The following SLCO6A1 variants were observed in gnomAD, a reference collection of about 807,000 sequenced individuals.
SLCO6A1 encodes solute carrier organic anion transporter family member 6A1, also known as cancer/testis antigen 48.
SLCO6A1 carries 65 observed loss-of-function variants against 72.7 expected under a neutral mutation model. The ratio of observed to expected loss-of-function variants is 0.89; its 90% CI spans 0.73 to 1.10. The LOEUF is 1.10. SLCO6A1 is among the 50% of genes least tolerant of loss of function. The pLI, the probability that SLCO6A1 is intolerant of heterozygous loss-of-function variation, is 0.00. For missense variants in SLCO6A1, 874 were observed against 872.6 expected, an observed-to-expected ratio of 1.00 and a Z score of -0.02; for synonymous variants, 314 against 298.2, an observed-to-expected ratio of 1.05 and a Z score of -0.55.
Position 102,419,775 on chromosome 5 carries a change from A to T in SLCO6A1, c.1472+51T>A, listed in dbSNP as rs754135697. ...TAGATAATTATTAATTGCCTGAGGA[A>T]TATGCTGTAGGATTTTGATGTAAAA... is the stretch of plus-strand genomic sequence containing the variant. On this transcript the variant is annotated intron_variant, in intron 8 of 13. Coordinates refer to ENST00000506729, the MANE Select transcript of SLCO6A1 (RefSeq NM_173488.5). The T allele has an allele frequency of 8.7e-5, 121 of 1,394,230 alleles. 1 individual carries two copies. The East Asian group carries it at 3.0e-3, about 34-fold the overall frequency. The allele number at this position is 1,394,230 out of a possible 1,614,324, so 86.4% of individuals were successfully genotyped here. A position where few individuals can be genotyped will look rare whatever the true frequency, so the allele number is the denominator to read the frequency against.
intron 1 of SLCO6A1, among the ~76,000 whole-genome samples, chr5:102,486,044 T>A (rs959554555): frequency 2.0e-5 from 3 of 152,228 alleles, no homozygotes; most frequent in African/African-American, 7.2e-5. Flanking sequence ...AATATTTCTT[T>A]GAAAAATATT....
intron 12 of SLCO6A1, among the ~76,000 whole-genome samples, chr5:102,381,785 A>C (rs1362326426): frequency 7.1e-6 from 1 of 140,436 alleles, no homozygotes; most frequent in East Asian, 2.0e-4. Flanking sequence ...GTGATATCTC[A>C]TTGCAATTTT....
intron 3 of SLCO6A1, 119 bp downstream of exon 3, chr5:102,477,557 T>C: frequency 1.4e-6 from 1 of 739,136 alleles, no homozygotes. Flanking sequence ...ATACCAATTA[T>C]CATTTATTAC....
chr5:102,475,839 C>T (rs1751871148), intron 3 of SLCO6A1, 46 bp from the exon 4 acceptor site: 2 of 1,417,624 alleles, frequency 1.4e-6, no homozygotes, highest in South Asian at 1.3e-5. Flanking sequence ...TTTCATAAGC[C>T]AGCTTCGTTA....
At chr5:102,445,685 A>G (rs1277891008) in intron 6 of SLCO6A1, among the ~76,000 whole-genome samples, 2 of 152,068 alleles carry the variant, frequency 1.3e-5, no homozygotes, top group Admixed American at 6.6e-5. Context: ...ATTGTCTTCT[A>G]TGGTTTTTAT....
intron 1 of SLCO6A1, among the ~76,000 whole-genome samples, chr5:102,493,736 A>T (rs1752787868): frequency 1.3e-5 from 2 of 152,158 alleles, no homozygotes; most frequent in African/African-American, 4.8e-5. Flanking sequence ...ATGTATACTA[A>T]AAAATCCTAA....
At chr5:102,391,241 C>A in intron 10 of SLCO6A1, 196 bp from the exon 11 acceptor site, 2 of 563,618 alleles carry the variant, frequency 3.5e-6, no homozygotes, top group Non-Finnish European at 6.3e-6. Flanking sequence ...CCCTTGCCAG[C>A]CATTTCCAAA....
At chr5:102,385,505 T>G (rs1047580211) in intron 12 of SLCO6A1, among the ~76,000 whole-genome samples, 2 of 152,148 alleles carry the variant, frequency 1.3e-5, no homozygotes, top group African/African-American at 4.8e-5. Context: ...GTATTCTTTT[T>G]TATTTTCACT....
At chr5:102,464,178 C>G (rs1264581832) in intron 4 of SLCO6A1, among the ~76,000 whole-genome samples, 1 of 151,786 alleles carries the variant, frequency 6.6e-6, no homozygotes, top group Admixed American at 6.6e-5. Context: ...CACCTGTTCC[C>G]CAAAAACTAT....
chr5:102,414,552 T>G (rs1748167759), intron 8 of SLCO6A1, among the ~76,000 whole-genome samples: 1 of 152,118 alleles, frequency 6.6e-6, no homozygotes, highest in Non-Finnish European at 1.5e-5. Context: ...TGTAGAAAAT[T>G]AACATACAAA....
intron 12 of SLCO6A1, among the ~76,000 whole-genome samples, chr5:102,377,576 C>A (rs1280237655): frequency 6.6e-6 from 1 of 151,508 alleles, no homozygotes; most frequent in African/African-American, 2.4e-5. Flanking sequence ...CTTCTAAAAT[C>A]TATGTTAATT....
intron 7 of SLCO6A1, among the ~76,000 whole-genome samples, chr5:102,420,972 C>T (rs1218179273): frequency 1.3e-5 from 2 of 152,054 alleles, no homozygotes; most frequent in Non-Finnish European, 2.9e-5. Flanking sequence ...GGAGGCCGAG[C>T]AGAAGCAGGG....
intron 2 of SLCO6A1, 35 bp downstream of exon 2, chr5:102,480,142 G>C: frequency 6.5e-7 from 1 of 1,537,816 alleles, no homozygotes; most frequent in South Asian, 1.2e-5. Flanking sequence ...AATGAATATT[G>C]ATTTGATGTA....
At chr5:102,474,042 C>T (rs1459315373) in intron 4 of SLCO6A1, among the ~76,000 whole-genome samples, 1 of 151,758 alleles carries the variant, frequency 6.6e-6, no homozygotes, top group Admixed American at 6.6e-5. Flanking sequence ...AATGCAATCC[C>T]TATCAAAATT....
At chr5:102,427,333 C>T (rs1429130089) in intron 7 of SLCO6A1, among the ~76,000 whole-genome samples, 2 of 151,902 alleles carry the variant, frequency 1.3e-5, no homozygotes, top group African/African-American at 4.8e-5. Context: ...GGGGAGAAAC[C>T]TGGCAAATGC....
rs558640782 is a variant in SLCO6A1, at chr5:102,414,147, C to T, written c.1473-1004G>A. Among the ~76,000 whole-genome samples the T allele has an allele frequency of 5.9e-5, 9 of 152,156 alleles. No individual in the cohort carries two copies. The South Asian group carries it at 1.9e-3, about 32-fold the overall frequency. ...TGTTTGGTGTCACATCTAAAAGATA[C>T]TTGCCTAATGCAAGATAAAAAATAT... On this transcript the variant is annotated intron_variant, in intron 8 of 13. Transcript: ENST00000506729.
At position 102,373,428 on chromosome 5, in the gene SLCO6A1, AGAC is replaced by A; in HGVS notation, c.2081_2083del (p.Arg694del). ...ATCTGGGAAGTCAGTGTTCTCATTT[AGAC>A]GACGTTTGTATATGAAAAATGCAAT... On this transcript the variant is annotated inframe_deletion, in exon 13 of 14. Transcript: ENST00000506729. 6.3e-7 allele frequency: 1 copy of A among 1,580,268 alleles called. No homozygotes were observed.
At chr5:102,428,568 AG>A (rs1411086433) in intron 7 of SLCO6A1, among the ~76,000 whole-genome samples, 1 of 152,122 alleles carries the variant, frequency 6.6e-6, no homozygotes, top group Non-Finnish European at 1.5e-5. Flanking sequence ...TTGTGTCACA[AG>A]GGTTTGTTAT....
intron 7 of SLCO6A1, among the ~76,000 whole-genome samples, chr5:102,423,560 C>A (rs541483487): frequency 6.6e-6 from 1 of 152,214 alleles, no homozygotes; most frequent in Non-Finnish European, 1.5e-5. Flanking sequence ...GGGATCAATG[C>A]AACAAGAGCT....
Sources: gnomAD v4.1 joint callset for allele counts (sites outside exome capture counted in the v4.1 genomes callset) on GRCh38, gnomAD v4.1.1 for gene constraint, MANE v1.5 for transcripts, NCBI Gene and HGNC (gene_info 2026-07-23, HGNC 2026-07-21) for gene names.